CXCL3: variants seen among roughly 807,000 people sequenced by gnomAD.
CXCL3 encodes the protein C-X-C motif chemokine ligand 3.
In CXCL3, 10 loss-of-function variants were observed where a neutral mutation model predicts 11.5. The observed-to-expected ratio is 0.87, with a 90% confidence interval of 0.54 to 1.48. The LOEUF (loss-of-function observed/expected upper bound fraction) is 1.48, where lower values mean the gene tolerates loss of function less well. Among genes scored for constraint, CXCL3 ranks in the 40% most tolerant of loss-of-function variants. The pLI, the probability that CXCL3 is intolerant of heterozygous loss-of-function variation, is 0.00. For missense variants in CXCL3, 149 were observed against 139.1 expected, an observed-to-expected ratio of 1.07 and a Z score of -0.36; for synonymous variants, 61 against 60.9, an observed-to-expected ratio of 1.00 and a Z score of -0.01.
intron 3 of CXCL3, 153 bp downstream of exon 3, chr4:74,037,940 C>T: frequency 1.2e-6 from 1 of 817,056 alleles, no homozygotes; most frequent in East Asian, 2.7e-5. Context: ...AGATTAATAA[C>T]CTTAATGGCA....
chr4:74,037,878 G>A, intron 3 of CXCL3: 1 of 559,074 alleles, frequency 1.8e-6, no homozygotes, highest in Non-Finnish European at 3.1e-6. Flanking sequence ...CCAGGGGTTA[G>A]GCCTGGAAAT....
In CXCL3 at chr4:74,037,092, A is replaced by G. The variant is rs959356844; in HGVS notation, c.*170T>C. The stretch of plus-strand genomic sequence containing the variant: ...ATTAAAATACAAGCTTTCAAAAATA[A>G]ATACATAAATAAGTAGAACCCTCGT... On this transcript the variant is annotated 3_prime_UTR_variant, in exon 4 of 4. Coordinates refer to ENST00000296026, the MANE Select transcript of CXCL3 (RefSeq NM_002090.3). The G allele has an allele frequency of 1.3e-5, 8 of 614,294 alleles. No individual in the cohort carries two copies. In the Admixed American group the frequency reaches 2.5e-4, roughly 19 times the overall value. 38.1% of individuals were successfully genotyped at this position (614,294 alleles called of 1,614,324 possible). A position where few individuals can be genotyped will look rare whatever the true frequency, so the allele number is the denominator to read the frequency against.
At chr4:74,037,784 G>C (rs1477364160) in intron 3 of CXCL3, 1 of 368,930 alleles carries the variant, frequency 2.7e-6, no homozygotes, top group African/African-American at 2.1e-5. Context: ...TAGGGACTGA[G>C]GTAAACGTCC....
At position 74,038,670 on chromosome 4, in the gene CXCL3, G is replaced by T. The variant is rs921816818; in HGVS notation, c.-59C>A. 4.2e-5 allele frequency: 58 copies of T among 1,372,034 alleles called. No homozygotes were observed. Among genetic ancestry groups the T allele is most frequent in the Non-Finnish European group, 5.4e-5 (58 of 1,070,010 alleles). 85.0% of individuals were successfully genotyped at this position (1,372,034 alleles called of 1,614,324 possible). On this transcript the variant is annotated 5_prime_UTR_variant, in exon 1 of 4. Transcript: ENST00000296026. ...GAAGCGGGAGAGCTGGCGGGGAGGT[G>T]CCTGCGACCCGGGCTGTGTGGCTCC...
chr4:74,038,203 A>G (rs556351004), intron 2 of CXCL3, 27 bp from the exon 3 acceptor site: 31 of 1,613,940 alleles, frequency 1.9e-5, no homozygotes, highest in African/African-American at 6.7e-5. Flanking sequence ...ATTCCGTGAG[A>G]CAGGAGGTCG....
intron 3 of CXCL3, 34 bp downstream of exon 3, chr4:74,038,059 C>T (rs1720034014): frequency 1.2e-6 from 2 of 1,609,744 alleles, no homozygotes; most frequent in Non-Finnish European, 1.7e-6. Flanking sequence ...ACCAACGGCT[C>T]CAGTCGCCTG....
Position 74,037,263 on chromosome 4 carries a change from CAGTT to C in CXCL3, c.319_322del (p.Asn107AspfsTer13). On this transcript the variant is annotated frameshift_variant and stop_lost, in exon 4 of 4. Coordinates refer to ENST00000296026, the MANE Select transcript of CXCL3 (RefSeq NM_002090.3). LOFTEE classifies it high-confidence loss of function. ...GATAAGCTTCTTACTTCTCTCCTGT[CAGTT>C]GGTGCTCCCCCTGTGATGAGAAAAG... 1 of 1,614,008 alleles carries C rather than the reference CAGTT, an allele frequency of 6.2e-7. No individual in the cohort carries two copies. Among genetic ancestry groups the C allele is most frequent in the Non-Finnish European group, 8.5e-7 (1 of 1,179,960 alleles).
chr4:74,036,995 C>A lies in CXCL3; in HGVS notation c.*267G>T. On this transcript the variant is annotated 3_prime_UTR_variant, in exon 4 of 4. Coordinates refer to ENST00000296026, the MANE Select transcript of CXCL3 (RefSeq NM_002090.3). ...TGACACATTTAAAACCCATCATATT[C>A]CAATTAAATAATCAGGACTGAGCTA... is the stretch of plus-strand genomic sequence containing the variant. 5.9e-6 allele frequency: 2 copies of A among 339,938 alleles called. No homozygotes were observed. Among genetic ancestry groups the A allele is most frequent in the East Asian group, 5.6e-5 (1 of 17,982 alleles). The allele number at this position is 339,938 out of a possible 1,614,324, so 21.1% of individuals were successfully genotyped here.
intron 3 of CXCL3, 39 bp downstream of exon 3, chr4:74,038,054 C>T (rs766792085): frequency 3.1e-6 from 5 of 1,605,612 alleles, no homozygotes; most frequent in Non-Finnish European, 3.4e-6. Context: ...TTCTGACCAA[C>T]GGCTCCAGTC....
chr4:74,038,258 CG>C, intron 2 of CXCL3, 31 bp downstream of exon 2: 3 of 1,613,370 alleles, frequency 1.9e-6, no homozygotes, highest in Non-Finnish European at 2.5e-6. Context: ...GGGACCCCAG[CG>C]GTGGCAGCGG....
In CXCL3 at chr4:74,038,661, C is replaced by G. The variant is rs200362235; in HGVS notation, c.-50G>C. On this transcript the variant is annotated 5_prime_UTR_variant, in exon 1 of 4. Transcript: ENST00000296026. ...GCTGTGCGAGAAGCGGGAGAGCTGG[C>G]GGGGAGGTGCCTGCGACCCGGGCTG... 3 of 1,377,096 alleles carry G rather than the reference C, an allele frequency of 2.2e-6. No individual in the cohort carries two copies. In the Admixed American group the frequency reaches 1.1e-4, roughly 49 times the overall value. The allele number at this position is 1,377,096 out of a possible 1,614,324, so 85.3% of individuals were successfully genotyped here.
intron 3 of CXCL3, 92 bp from the exon 4 acceptor site, chr4:74,037,369 C>G (rs1211594921): frequency 6.7e-7 from 1 of 1,481,934 alleles, no homozygotes; most frequent in Non-Finnish European, 9.4e-7. Flanking sequence ...CCCATGCAGA[C>G]TCTCTCCCAG....
rs368197936 is a variant in CXCL3 at position 74,037,258 on chromosome 4, C to T, written c.*4G>A. On this transcript the variant is annotated 3_prime_UTR_variant, in exon 4 of 4. Coordinates refer to ENST00000296026, the MANE Select transcript of CXCL3 (RefSeq NM_002090.3). ...ACGCTGATAAGCTTCTTACTTCTCT[C>T]CTGTCAGTTGGTGCTCCCCCTGTGA... 5.6e-6 allele frequency: 9 copies of T among 1,613,930 alleles called. No homozygotes were observed. In the African/African-American group the frequency reaches 8.0e-5, roughly 14 times the overall value.
chr4:74,037,826 A>C, intron 3 of CXCL3: 1 of 412,938 alleles, frequency 2.4e-6, no homozygotes, highest in Non-Finnish European at 4.3e-6. Context: ...TGGCATTGTT[A>C]GTCAAATTTA....
Position 74,038,647 on chromosome 4 carries a change from AGCG to A in CXCL3, c.-39_-37del. Reference sequence around the variant, plus strand: ...AGACGCGTCGGGAAGCTGTGCGAGAAGCGGGAGAGCTGGCGGGGAGGTGCCTGC... The same window carrying A: ...AGACGCGTCGGGAAGCTGTGCGAGAAGGAGAGCTGGCGGGGAGGTGCCTGC... On this transcript the variant is annotated 5_prime_UTR_variant, in exon 1 of 4. Coordinates refer to ENST00000296026, the MANE Select transcript of CXCL3 (RefSeq NM_002090.3). 1 of 1,395,986 alleles carries A rather than the reference AGCG, an allele frequency of 7.2e-7. No homozygotes were observed. Among genetic ancestry groups the A allele is most frequent in the Admixed American group, 3.4e-5 (1 of 29,190 alleles). 86.5% of individuals were successfully genotyped at this position (1,395,986 alleles called of 1,614,324 possible).
rs1193366357 is a variant in CXCL3 at position 74,037,238 on chromosome 4, G to C, written c.*24C>G. The C allele has an allele frequency of 6.2e-7, 1 of 1,613,980 alleles. No individual in the cohort carries two copies. Among genetic ancestry groups the C allele is most frequent in the South Asian group, 1.1e-5 (1 of 91,090 alleles). On this transcript the variant is annotated 3_prime_UTR_variant, in exon 4 of 4. Coordinates refer to ENST00000296026, the MANE Select transcript of CXCL3 (RefSeq NM_002090.3). Reference sequence around the variant, plus strand: ...CTGCAGGAAGTGTCAATGATACGCTGATAAGCTTCTTACTTCTCTCCTGTC... The same window carrying C: ...CTGCAGGAAGTGTCAATGATACGCTCATAAGCTTCTTACTTCTCTCCTGTC...
At chr4:74,038,237 C>A in intron 2 of CXCL3, 53 bp downstream of exon 2, 1 of 1,613,350 alleles carries the variant, frequency 6.2e-7, no homozygotes, top group South Asian at 1.1e-5. Flanking sequence ...GTTGGGGCAG[C>A]GGGAGAGTCG....
In CXCL3 at chr4:74,038,321, G is replaced by T. The variant is rs1330956765; in HGVS notation, c.193C>A (p.Pro65Thr). 6.2e-7 allele frequency: 1 copy of T among 1,614,096 alleles called. No homozygotes were observed. Among genetic ancestry groups the T allele is most frequent in the South Asian group, 1.1e-5 (1 of 91,080 alleles). The change falls in exon 2 of 4, where the codon CCC (proline) becomes ACC (threonine). Residue 65 changes from proline to threonine, a missense_variant. Pro to Thr is a conservative substitution (Grantham distance 38). Transcript: ENST00000296026. ...KNIQSVNVRS[P>T]GPHCAQTEVI... ...TCGGTTTGGGCGCAGTGGGGTCCGG[G>T]GGACCTTACATTCACACTTTGGATG...
At chr4:74,037,447 G>GTT (rs1720020001) in intron 3 of CXCL3, 170 bp from the exon 4 acceptor site, 18 of 252,346 alleles carry the variant, frequency 7.1e-5, no homozygotes, top group South Asian at 4.7e-4. Context: ...ACTCCTGAAT[G>GTT]CTTTTTTTTT....
Sources: allele counts gnomAD v4.1 joint callset, GRCh38; gene constraint gnomAD v4.1.1; transcripts MANE v1.5; gene names NCBI Gene and HGNC (gene_info 2026-07-23, HGNC 2026-07-21).